The following SAGE1 variants were observed in gnomAD, a reference collection of about 807,000 sequenced individuals.
SAGE1 encodes cancer/testis antigen 14.
SAGE1 carries 55 observed loss-of-function variants against 55.4 expected under a neutral mutation model. The observed-to-expected ratio is 0.99, with a 90% CI of 0.80 to 1.24. The LOEUF is 1.24. SAGE1 is among the 50% of genes most tolerant of loss of function. SAGE1 has a pLI of 0.00. For synonymous variants in SAGE1, 240 were observed against 244.3 expected, an observed-to-expected ratio of 0.98 and a Z score of 0.17; for missense variants, 710 against 704.4, an observed-to-expected ratio of 1.01 and a Z score of -0.09.
At chrX:135,899,881 A>G (rs1556595487) in intron 2 of SAGE1, among the ~76,000 whole-genome samples, 3 of 110,975 alleles carry the variant, frequency 2.7e-5, no homozygotes, top group African/African-American at 9.8e-5. Flanking sequence ...TATCAGCTTA[A>G]GAAGCTTTTG....
chrX:135,913,027 T>TG lies in SAGE1; in HGVS notation c.*130_*131insG. Reference sequence around the variant, plus strand: ...CAGAAGCTACGAAAAAGGGAGCTGTTTAAATTTAATAAATCTCTGTTAGTA... The same window carrying TG: ...CAGAAGCTACGAAAAAGGGAGCTGTTGTAAATTTAATAAATCTCTGTTAGTA... On this transcript the variant is annotated 3_prime_UTR_variant, in exon 20 of 20. Coordinates refer to ENST00000370709, the MANE Select transcript of SAGE1 (RefSeq NM_001381902.1). 2.2e-6 allele frequency: 1 copy of TG among 460,277 alleles called. No homozygotes were observed. The highest frequency in any genetic ancestry group is 3.7e-6 in the Non-Finnish European group (1 of 266,829). The allele number at this position is 460,277 out of a possible 1,213,427, so 37.9% of individuals were successfully genotyped here.
At chrX:135,900,304 G>C (rs1214608415) in intron 2 of SAGE1, among the ~76,000 whole-genome samples, 1 of 111,638 alleles carries the variant, frequency 9.0e-6, no homozygotes, top group Non-Finnish European at 1.9e-5. Flanking sequence ...TTCATTGATT[G>C]GCCTATTCTG....
At chrX:135,902,561 A>C (rs2088697697) in intron 3 of SAGE1, among the ~76,000 whole-genome samples, 1 of 112,249 alleles carries the variant, frequency 8.9e-6, no homozygotes, top group Non-Finnish European at 1.9e-5. Flanking sequence ...GCAGCTATCC[A>C]TCGGGCAAAT....
At chrX:135,898,057 G>A (rs2088613610) in intron 2 of SAGE1, among the ~76,000 whole-genome samples, 1 of 110,620 alleles carries the variant, frequency 9.0e-6, no homozygotes, top group African/African-American at 3.3e-5. Flanking sequence ...ACGCTCTGTC[G>A]CCCAGGCTGG....
Position 135,908,500 on chromosome X carries a change from C to T in SAGE1, c.1324C>T (p.His442Tyr), listed in dbSNP as rs782099741. Residue 442 changes from histidine to tyrosine, a missense_variant, in exon 12 of 20, where the codon CAT becomes TAT. Coordinates refer to ENST00000370709, the MANE Select transcript of SAGE1 (RefSeq NM_001381902.1). The part of the protein sequence containing the change: ...DQYATVNHHV[H>Y]EARMENGQRK... The stretch of plus-strand genomic sequence containing the variant: ...AGATGCTACCGTCAATCACCATGTC[C>T]ATGAAGCAAGGATGGAAAATGGCCA... 1.7e-6 allele frequency: 2 copies of T among 1,206,762 alleles called. No individual in the cohort carries two copies. Among genetic ancestry groups the T allele is most frequent in the South Asian group, 3.6e-5 (2 of 55,623 alleles).
At chrX:135,902,083 G>A (rs1423402368) in intron 3 of SAGE1, among the ~76,000 whole-genome samples, 2 of 111,855 alleles carry the variant, frequency 1.8e-5, no homozygotes, top group Non-Finnish European at 3.8e-5. Flanking sequence ...TGGGTCCCCA[G>A]ACACCTGGAT....
chrX:135,912,728 C>T, intron 19 of SAGE1, 70 bp from the exon 20 acceptor site: 2 of 1,153,889 alleles, frequency 1.7e-6, no homozygotes, highest in South Asian at 4.1e-5. Flanking sequence ...ATTTTGTATC[C>T]ACTCTACCTC....
chrX:135,905,958 G>A, intron 5 of SAGE1, 66 bp from the exon 6 acceptor site: 11 of 942,866 alleles, frequency 1.2e-5, no homozygotes, highest in Non-Finnish European at 1.5e-5. Flanking sequence ...AGCATCAGAG[G>A]GATATACCTG....
chrX:135,897,588 T>G (rs1350660539), intron 2 of SAGE1, among the ~76,000 whole-genome samples: 8 of 112,288 alleles, frequency 7.1e-5, no homozygotes, highest in African/African-American at 2.6e-4. Flanking sequence ...TGGAAAATTT[T>G]TTAATCAAAA....
chrX:135,906,935 T>A lies in SAGE1; in HGVS notation c.746T>A (p.Ile249Asn). 1 of 1,209,273 alleles carries A rather than the reference T, an allele frequency of 8.3e-7. No homozygotes were observed. Among genetic ancestry groups the A allele is most frequent in the Non-Finnish European group, 1.1e-6 (1 of 894,305 alleles). The change falls in exon 8 of 20, where the codon ATC becomes AAC. Residue 249 changes from isoleucine to asparagine, a missense_variant. Coordinates refer to ENST00000370709, the MANE Select transcript of SAGE1 (RefSeq NM_001381902.1). ...TTCATTTGGTTTCCAGATGCTACCA[T>A]CACTTACAATGTCCCTGAGGAGAAG... The part of the protein sequence containing the change: ...PMSTRDPYAT[I>N]TYNVPEEKME...
rs782554806 is a variant in SAGE1 at position 135,896,345 on chromosome X, C to G, written c.87+16C>G. The G allele has an allele frequency of 9.4e-7, 1 of 1,066,744 alleles. No individual in the cohort carries two copies. The highest frequency in any genetic ancestry group is 2.2e-5 in the Admixed American group (1 of 45,612). The allele number at this position is 1,066,744 out of a possible 1,213,427, so 87.9% of individuals were successfully genotyped here. On this transcript the variant is annotated intron_variant, in intron 2 of 19. Transcript: ENST00000370709. Reference sequence around the variant, plus strand: ...TGATGGGCAGGTAAGATAACTCTTTCTATTTCTGCCCTAATTGTGACATTC... The same window carrying G: ...TGATGGGCAGGTAAGATAACTCTTTGTATTTCTGCCCTAATTGTGACATTC...
At chrX:135,909,537 G>GT in intron 13 of SAGE1, 102 bp from the exon 14 acceptor site, 1 of 868,558 alleles carries the variant, frequency 1.2e-6, no homozygotes, top group Non-Finnish European at 1.6e-6. Flanking sequence ...AGCCTCCTGT[G>GT]TTATGGAACA....
At chrX:135,909,825 G>C (rs1556605131) in intron 14 of SAGE1, 46 bp downstream of exon 14, 1 of 1,099,107 alleles carries the variant, frequency 9.1e-7, no homozygotes, top group Non-Finnish European at 1.2e-6. Flanking sequence ...GTTTTCATAT[G>C]CATGCCTAGT....
chrX:135,909,032 A>T (rs370144842), intron 13 of SAGE1, 28 bp downstream of exon 13: 1 of 1,173,252 alleles, frequency 8.5e-7, no homozygotes, highest in African/African-American at 1.8e-5. Context: ...TTGTACTGTC[A>T]TACTTGGTTT....
chrX:135,895,049 C>T (rs2088563552), intron 1 of SAGE1, among the ~76,000 whole-genome samples: 1 of 111,453 alleles, frequency 9.0e-6, no homozygotes, highest in South Asian at 3.7e-4. Context: ...CCAGCACATA[C>T]ACTATCCTCT....
At position 135,912,290 on chromosome X, in the gene SAGE1, G is replaced by T. The variant is rs781924918; in HGVS notation, c.2522-31G>T. The T allele has an allele frequency of 2.0e-5, 23 of 1,178,671 alleles. No individual in the cohort carries two copies. The South Asian group carries it at 3.8e-4, about 19-fold the overall frequency. ...TGAGGTATATTTCATTTTTGTAATT[G>T]TAGAAATACTAATTTTTAAAATATC... On this transcript the variant is annotated intron_variant, in intron 18 of 19. Transcript: ENST00000370709.
At chrX:135,908,390 T>C in intron 11 of SAGE1, 87 bp from the exon 12 acceptor site, 1 of 1,086,069 alleles carries the variant, frequency 9.2e-7, no homozygotes. Context: ...GATAAATTCC[T>C]AGAAACTGAG....
chrX:135,908,926 A>C lies in SAGE1; in HGVS notation c.1504A>C (p.Lys502Gln). The C allele has an allele frequency of 8.3e-7, 1 of 1,208,838 alleles. No homozygotes were observed. Among genetic ancestry groups the C allele is most frequent in the East Asian group, 3.0e-5 (1 of 33,803 alleles). Residue 502 changes from lysine to glutamine, a missense_variant, in exon 13 of 20, where the codon AAG becomes CAG. Transcript: ENST00000370709. ...GGAAAGTGGCAAACCCCAAACTGAT[A>C]AGGTCATATCAAATGATGCACCACA... ...KMESGKPQTD[K>Q]VISNDAPQLG...
rs1556605974 is a variant in SAGE1, at chrX:135,910,561, T to C, written c.2005+6T>C. Reference sequence around the variant, plus strand: ...CACGATTACCAGGGATCTGTGTATGTCTGCTTATTAGTTGTGCTGTCCTAC... The same window carrying C: ...CACGATTACCAGGGATCTGTGTATGCCTGCTTATTAGTTGTGCTGTCCTAC... On this transcript the variant is annotated splice_donor_region_variant and intron_variant, in intron 16 of 19. Transcript: ENST00000370709. 2.5e-6 allele frequency: 3 copies of C among 1,206,536 alleles called. No individual in the cohort carries two copies. The highest frequency in any genetic ancestry group is 3.5e-5 in the South Asian group (2 of 56,733).
Sources: gnomAD v4.1 joint callset for allele counts (sites outside exome capture counted in the v4.1 genomes callset) on GRCh38, gnomAD v4.1.1 for gene constraint, MANE v1.5 for transcripts, NCBI Gene and HGNC (gene_info 2026-07-23, HGNC 2026-07-21) for gene names.